Variants in GET1 observed in about 807,000 individuals in gnomAD.
The protein encoded by GET1 is congenital heart disease 5 protein.
In GET1, 20 loss-of-function variants were observed where a neutral mutation model predicts 22.6. The observed-to-expected ratio is 0.89, with a 90% CI of 0.62 to 1.29. The LOEUF (loss-of-function observed/expected upper bound fraction) is 1.29. GET1 is among the 50% of genes most tolerant of loss of function. The pLI is 0.00. For synonymous variants in GET1, 92 were observed against 83.8 expected, an observed-to-expected ratio of 1.10 and a Z score of -0.53; for missense variants, 209 against 219.9, an observed-to-expected ratio of 0.95 and a Z score of 0.31.
intron 1 of GET1, among the ~76,000 whole-genome samples, chr21:39,387,427 C>T (rs1272581050): frequency 6.6e-6 from 1 of 152,186 alleles, no homozygotes; most frequent in Non-Finnish European, 1.5e-5. Context: ...TTAGCAGTGT[C>T]TGTAGATTTT....
intron 1 of GET1, among the ~76,000 whole-genome samples, chr21:39,388,545 G>T (rs913735664): frequency 1.3e-5 from 2 of 152,322 alleles, no homozygotes; most frequent in South Asian, 2.1e-4. Flanking sequence ...CAGAAGGGAC[G>T]CCTACTGGCA....
intron 1 of GET1, among the ~76,000 whole-genome samples, chr21:39,414,752 G>C (rs1318545940): frequency 6.2e-4 from 92 of 148,652 alleles, no homozygotes; most frequent in African/African-American, 2.1e-3. Context: ...CTGTGTGTGT[G>C]TGTGTGTGTG....
downstream of GET1, among the ~76,000 whole-genome samples, chr21:39,400,212 G>A (rs1403804973): frequency 6.6e-6 from 1 of 151,972 alleles, no homozygotes. Context: ...CCCCGGAACC[G>A]GAGCTTTAGA....
intron 1 of GET1, among the ~76,000 whole-genome samples, chr21:39,418,067 G>T (rs1055895887): frequency 6.6e-6 from 1 of 152,168 alleles, no homozygotes; most frequent in Non-Finnish European, 1.5e-5. Context: ...CGCCCAGCGG[G>T]GGAGTTTCTT....
chr21:39,391,807 G>C lies in GET1; in HGVS notation c.307G>C (p.Val103Leu). The part of the protein sequence containing the change: ...RTAQLAKIKW[V>L]ISVAFYVLQA... The stretch of plus-strand genomic sequence containing the variant: ...AGCTCAATTAGCCAAGATAAAATGG[G>C]TGATAAGTGTCGCTTTCTACGTATT... The change falls in exon 3 of 5, where the codon GTG becomes CTG. Residue 103 changes from valine (V) to leucine (L), a missense_variant. Transcript: ENST00000649170. The C allele has an allele frequency of 6.2e-7, 1 of 1,614,150 alleles. No homozygotes were observed. The highest frequency in any genetic ancestry group is 8.5e-7 in the Non-Finnish European group (1 of 1,180,018).
Position 39,390,780 on chromosome 21 carries a change from C to T in GET1, c.185C>T (p.Thr62Ile). The T allele has an allele frequency of 6.2e-7, 1 of 1,614,174 alleles. No homozygotes were observed. Among genetic ancestry groups the T allele is most frequent in the Non-Finnish European group, 8.5e-7 (1 of 1,180,032 alleles). The change falls in exon 2 of 5, where the codon ACA becomes ATA. Residue 62 changes from threonine (T) to isoleucine (I), a missense_variant. Coordinates refer to ENST00000649170, the MANE Select transcript of GET1 (RefSeq NM_004627.6). ...CAGGACATGAAGCAGGAGCTCTCCA[C>T]AGTCAACATGATGGACGAGTTTGCC... ...EIQDMKQELS[T>I]VNMMDEFARY... is the part of the protein sequence containing the mutation.
At chr21:39,418,856 G>T (rs912047894) in intron 1 of GET1, among the ~76,000 whole-genome samples, 4 of 152,072 alleles carry the variant, frequency 2.6e-5, no homozygotes, top group African/African-American at 7.2e-5. Flanking sequence ...GCATGAGGAA[G>T]CATAAAATTT....
chr21:39,410,065 T>C, downstream of GET1: 1 of 1,611,412 alleles, frequency 6.2e-7, no homozygotes, highest in Non-Finnish European at 8.5e-7. Context: ...TGATTTTTCT[T>C]TATGATCGAT....
At chr21:39,380,603 G>C (rs1288838583) in intron 1 of GET1, 117 bp downstream of exon 1, 1 of 1,494,230 alleles carries the variant, frequency 6.7e-7, no homozygotes, top group Non-Finnish European at 8.9e-7. Context: ...TAGCGTCTTG[G>C]TTGGTCCGTA....
At chr21:39,414,062 C>T (rs2040589606) in intron 1 of GET1, 2 of 152,174 alleles carry the variant, frequency 1.3e-5, no homozygotes, top group African/African-American at 4.8e-5. Context: ...TGGAACACAA[C>T]CCGGGATACT....
At chr21:39,381,533 C>T (rs1183742495) in intron 1 of GET1, among the ~76,000 whole-genome samples, 2 of 152,174 alleles carry the variant, frequency 1.3e-5, no homozygotes, top group Admixed American at 1.3e-4. Flanking sequence ...TCTCTTTTAA[C>T]CCCTGAGTCT....
At position 39,397,421 on chromosome 21, in the gene GET1, A is replaced by C. The variant is rs1325020935; in HGVS notation, c.*482A>C. 1.3e-5 allele frequency: 2 copies of C among 154,882 alleles called. No homozygotes were observed. The highest frequency in any genetic ancestry group is 2.9e-5 in the Non-Finnish European group (2 of 69,888). The allele number at this position is 154,882 out of a possible 1,614,324, so 9.6% of individuals were successfully genotyped here. On this transcript the variant is annotated 3_prime_UTR_variant, in exon 5 of 5. Coordinates refer to ENST00000649170, the MANE Select transcript of GET1 (RefSeq NM_004627.6). ...CACATTCAATATGGTTAAAAGAACA[A>C]CACTAATTGACATTGCGTGGGCTTT...
intron 1 of GET1, among the ~76,000 whole-genome samples, chr21:39,417,851 C>T (rs753156427): frequency 5.3e-5 from 8 of 152,078 alleles, no homozygotes; most frequent in African/African-American, 1.2e-4. Flanking sequence ...CTGCAAGCTC[C>T]GCCTCCCGAG....
chr21:39,391,161 T>G (rs904340384), intron 2 of GET1: 1 of 235,360 alleles, frequency 4.2e-6, no homozygotes, highest in African/African-American at 2.3e-5. Flanking sequence ...TTCATCACTT[T>G]TCTGAGAGAA....
intron 1 of GET1, among the ~76,000 whole-genome samples, chr21:39,416,937 G>A (rs548006080): frequency 2.4e-4 from 36 of 152,280 alleles, no homozygotes; most frequent in African/African-American, 8.2e-4. Flanking sequence ...TACAGTCAGC[G>A]TTCCCTGTCT....
chr21:39,406,777 A>G, downstream of GET1: 8 of 567,434 alleles, frequency 1.4e-5, no homozygotes, highest in South Asian at 2.2e-4. Context: ...GAAAGGTGCT[A>G]TTAACAAATG....
chr21:39,422,847 T>C lies in GET1; in HGVS notation c.*24-5385T>C, dbSNP rs1240468574. 7.0e-6 allele frequency: 6 copies of C among 851,084 alleles called. No homozygotes were observed. In the African/African-American group the frequency reaches 1.0e-4, roughly 14 times the overall value. 52.7% of individuals were successfully genotyped at this position (851,084 alleles called of 1,614,324 possible). On this transcript the variant is annotated intron_variant, in intron 1 of 1. Transcript: ENST00000478273. ...TGCCCTCTATTAGACAACATAATTA[T>C]TTAGTGCAGCACGCCAAGTGAAGCA...
chr21:39,391,832 T>A lies in GET1; in HGVS notation c.332T>A (p.Leu111Ter). The change falls in exon 3 of 5, where the codon TTG becomes TAG. Residue 111 changes from leucine (L) to a stop codon, truncating the protein, a stop_gained. Transcript: ENST00000649170. LOFTEE classifies it high-confidence loss of function. ...KWVISVAFYVLQAALMISLIW... is the reference protein window; with the variant it reads ...KWVISVAFYV ...GTGATAAGTGTCGCTTTCTACGTAT[T>A]GCAGGTAAGTGTGCTAGAGCGTCAG... 6 of 1,614,152 alleles carry A rather than the reference T, an allele frequency of 3.7e-6. No individual in the cohort carries two copies. The highest frequency in any genetic ancestry group is 5.1e-6 in the Non-Finnish European group (6 of 1,180,004).
intron 1 of GET1, among the ~76,000 whole-genome samples, chr21:39,412,279 G>A (rs1211271888): frequency 1.3e-5 from 2 of 152,156 alleles, no homozygotes; most frequent in African/African-American, 4.8e-5. Context: ...CTAATAGAAA[G>A]TTCTATGAGA....
Sources: gnomAD v4.1 joint callset for allele counts (sites outside exome capture counted in the v4.1 genomes callset) on GRCh38, gnomAD v4.1.1 for gene constraint, MANE v1.5 for transcripts, NCBI Gene and HGNC (gene_info 2026-07-23, HGNC 2026-07-21) for gene names.